Variants in TSPAN11 observed in about 807,000 individuals in gnomAD.
TSPAN11 encodes the protein tetraspanin-11.
Under a neutral mutation model 32.9 loss-of-function variants are expected in TSPAN11, and 29 were observed. The observed-to-expected ratio is 0.88, with a 90% CI of 0.66 to 1.20. The LOEUF (loss-of-function observed/expected upper bound fraction) is 1.20, where lower values mean the gene tolerates loss of function less well. Ranked by LOEUF, TSPAN11 falls within the 50% of genes most tolerant of loss-of-function variation. TSPAN11 has a pLI of 0.00. For synonymous variants in TSPAN11, 140 were observed against 141.3 expected (o/e 0.99, Z 0.07); for missense variants, 283 against 329.1 (o/e 0.86, Z 1.08).
chr12:30,928,275 C>T (rs548987903), intron 1 of TSPAN11, among the ~76,000 whole-genome samples: 1 of 152,238 alleles, frequency 6.6e-6, no homozygotes, highest in African/African-American at 2.4e-5. Context: ...CATTTATAAC[C>T]ACCAACTTGC....
At chr12:30,971,715 ACTC>A (rs1009446047) in intron 3 of TSPAN11, among the ~76,000 whole-genome samples, 1 of 151,900 alleles carries the variant, frequency 6.6e-6, no homozygotes, top group African/African-American at 2.4e-5. Flanking sequence ...GTACCACTGT[ACTC>A]CAGCCAGGGT....
At chr12:31,013,878 G>T in the TSPAN11 span, among the ~76,000 whole-genome samples, 1 of 152,204 alleles carries the variant, frequency 6.6e-6, no homozygotes, top group Non-Finnish European at 1.5e-5. Context: ...CATTGGAAAT[G>T]TGGCTAGTCT....
At chr12:30,946,888 G>A (rs1050075607) in intron 1 of TSPAN11, among the ~76,000 whole-genome samples, 2 of 152,156 alleles carry the variant, frequency 1.3e-5, no homozygotes, top group South Asian at 4.1e-4. Flanking sequence ...ACCACCCCCA[G>A]GTGGGAGTCT....
chr12:30,967,902 A>G (rs1281305231), intron 3 of TSPAN11, among the ~76,000 whole-genome samples: 1 of 151,986 alleles, frequency 6.6e-6, no homozygotes, highest in Admixed American at 6.6e-5. Flanking sequence ...TGAGTAATCC[A>G]CATCCTGGCC....
At chr12:30,953,549 C>T (rs959090949) in intron 1 of TSPAN11, among the ~76,000 whole-genome samples, 1 of 152,170 alleles carries the variant, frequency 6.6e-6, no homozygotes, top group African/African-American at 2.4e-5. Flanking sequence ...GGGCTCAGGC[C>T]ACACCTGTGG....
intron 2 of TSPAN11, among the ~76,000 whole-genome samples, chr12:30,959,218 T>G (rs1233587724): frequency 6.6e-6 from 1 of 152,018 alleles, no homozygotes; most frequent in Non-Finnish European, 1.5e-5. Flanking sequence ...GAGGGGACTT[T>G]CCCTGCCCCA....
chr12:30,971,546 C>T (rs1423342179), intron 3 of TSPAN11, among the ~76,000 whole-genome samples: 1 of 152,038 alleles, frequency 6.6e-6, no homozygotes, highest in East Asian at 1.9e-4. Flanking sequence ...TTGTGACCAG[C>T]CTGAGCGATA....
In TSPAN11 at chr12:30,996,591, T is replaced by C. The variant is rs1939421773; in HGVS notation, c.*4676T>C. On this transcript the variant is annotated 3_prime_UTR_variant, in exon 8 of 8. Transcript: ENST00000546076. The stretch of plus-strand genomic sequence containing the variant: ...CATGATAATGATAATAAAGGAATTG[T>C]ATCTAGGACTACCTTCTGTTGAATT... 1 of 152,224 alleles carries C rather than the reference T, an allele frequency of 6.6e-6. No homozygotes were observed. The highest frequency in any genetic ancestry group is 1.5e-5 in the Non-Finnish European group (1 of 68,042). 9.4% of individuals were successfully genotyped at this position (152,224 alleles called of 1,614,324 possible). A position where few individuals can be genotyped will look rare whatever the true frequency, so the allele number is the denominator to read the frequency against.
intron 1 of TSPAN11, among the ~76,000 whole-genome samples, chr12:30,946,529 A>G (rs115461463): frequency 0.017 from 2,529 of 152,244 alleles, 60 homozygotes; most frequent in African/African-American, 0.057. Context: ...GGGTTACCCA[A>G]TCAAACTCCA....
intron 1 of TSPAN11, among the ~76,000 whole-genome samples, chr12:30,947,592 G>A (rs561656511): frequency 6.6e-6 from 1 of 152,140 alleles, no homozygotes; most frequent in African/African-American, 2.4e-5. Context: ...CAGAAACCCC[G>A]ATAAACCCAT....
intron 1 of TSPAN11, among the ~76,000 whole-genome samples, chr12:30,930,158 C>G (rs1937891050): frequency 6.6e-6 from 1 of 152,092 alleles, no homozygotes; most frequent in South Asian, 2.1e-4. Context: ...TTTATACTCA[C>G]AAGATGGCAC....
At chr12:30,999,024 T>C (rs1028423076), downstream of TSPAN11, 4 of 152,332 alleles carry the variant, frequency 2.6e-5, no homozygotes, top group Middle Eastern at 0.014. Context: ...GTTTAAAATA[T>C]TGTAACTAAG....
chr12:30,985,868 C>G (rs1939191376), intron 7 of TSPAN11, among the ~76,000 whole-genome samples: 1 of 152,232 alleles, frequency 6.6e-6, no homozygotes, highest in Non-Finnish European at 1.5e-5. Flanking sequence ...TCCTCCTGCC[C>G]ACTCAAAACC....
chr12:31,000,845 CCATTTGGTACAAACAATAAGT>C (rs1171274545), downstream of TSPAN11, among the ~76,000 whole-genome samples: 1 of 152,220 alleles, frequency 6.6e-6, no homozygotes, highest in Admixed American at 6.5e-5. Context: ...ATTCATCCAT[CCATTTGGTACAAACAATAAGT>C]CATCTTCCTG....
intron 1 of TSPAN11, among the ~76,000 whole-genome samples, chr12:30,928,877 T>G (rs1937857307): frequency 6.6e-6 from 1 of 152,236 alleles, no homozygotes; most frequent in Non-Finnish European, 1.5e-5. Flanking sequence ...TGCCACATCC[T>G]ACTACAATGT....
chr12:30,943,795 G>A (rs557646832), intron 1 of TSPAN11, among the ~76,000 whole-genome samples: 5 of 152,366 alleles, frequency 3.3e-5, no homozygotes, highest in South Asian at 4.1e-4. Flanking sequence ...TCCACTCATC[G>A]GGAATGGAGC....
chr12:30,997,745 G>T (rs1184281547), downstream of TSPAN11, among the ~76,000 whole-genome samples: 1 of 152,196 alleles, frequency 6.6e-6, no homozygotes, highest in African/African-American at 2.4e-5. Flanking sequence ...CAGGTAGTCT[G>T]GGCTCAGGGG....
chr12:31,013,936 A>C, the TSPAN11 span, among the ~76,000 whole-genome samples: 2 of 152,370 alleles, frequency 1.3e-5, no homozygotes, highest in East Asian at 3.9e-4. Flanking sequence ...TTTCAGACTT[A>C]GGAAAAAAGA....
rs771340755 is a variant in TSPAN11 at position 30,975,031 on chromosome 12, G to C, written c.277-3530G>C. Among the ~76,000 whole-genome samples, 3 of 152,236 alleles carry C rather than the reference G, an allele frequency of 2.0e-5. No individual in the cohort carries two copies. The highest frequency in any genetic ancestry group is 2.9e-5 in the Non-Finnish European group (2 of 68,040). On this transcript the variant is annotated intron_variant, in intron 3 of 7. Transcript: ENST00000546076. This position sits in a 1 kb window ranked among gnomAD's most constrained non-coding sequence, Gnocchi z 4.5. Reference sequence around the variant, plus strand: ...AGGTAGGCACCAGCATTCCAGGCAGGGGGACAGGCAGGGCAAAGGCCCAAA... The same window carrying C: ...AGGTAGGCACCAGCATTCCAGGCAGCGGGACAGGCAGGGCAAAGGCCCAAA...
Sources: gnomAD v4.1 joint callset for allele counts (sites outside exome capture counted in the v4.1 genomes callset) on GRCh38, gnomAD v4.1.1 for gene constraint, Gnocchi (gnomAD v3.1) non-coding constraint, MANE v1.5 for transcripts, NCBI Gene and HGNC (gene_info 2026-07-23, HGNC 2026-07-21) for gene names.